The following WWOX variants were observed in gnomAD, a reference collection of about 807,000 sequenced individuals.
WWOX encodes WW domain containing oxidoreductase, also known as WW domain-containing oxidoreductase.
Under a neutral mutation model 46.2 loss-of-function variants are expected in WWOX, and 69 were observed. That is an observed-to-expected ratio of 1.49 (90% CI 1.23 to 1.82). The LOEUF (loss-of-function observed/expected upper bound fraction) is 1.82. Among genes scored for constraint, WWOX ranks in the 40% most tolerant of loss-of-function variants. The pLI is 0.00. For synonymous variants in WWOX, 359 were observed against 202.6 expected (o/e 1.77, Z -6.56); for missense variants, 919 against 542.6 (o/e 1.69, Z -6.89).
chr16:78,935,911 C>CAAAAT (rs1001733673), intron 8 of WWOX, among the ~76,000 whole-genome samples: 8 of 150,980 alleles, frequency 5.3e-5, no homozygotes, highest in East Asian at 3.9e-4. Context: ...GACCCTGTCT[C>CAAAAT]AAAATAAAAT....
chr16:78,779,246 G>C (rs573166461), intron 8 of WWOX, among the ~76,000 whole-genome samples: 20 of 152,282 alleles, frequency 1.3e-4, no homozygotes, highest in Non-Finnish European at 2.6e-4. Flanking sequence ...CCTGGCTCAA[G>C]GGATCCTCCC....
chr16:79,022,887 G>A (rs1325400522), intron 8 of WWOX, among the ~76,000 whole-genome samples: 3 of 152,140 alleles, frequency 2.0e-5, no homozygotes, highest in Admixed American at 6.6e-5. Context: ...CTTTCTGCAG[G>A]TTACTTCTCT....
chr16:78,971,104 G>C (rs1328158132), intron 8 of WWOX, among the ~76,000 whole-genome samples: 1 of 151,864 alleles, frequency 6.6e-6, no homozygotes, highest in African/African-American at 2.4e-5. Context: ...TATATATCAG[G>C]TAAGATTCTA....
At chr16:78,934,981 C>T (rs971960250) in intron 8 of WWOX, among the ~76,000 whole-genome samples, 5 of 152,156 alleles carry the variant, frequency 3.3e-5, no homozygotes, top group Non-Finnish European at 5.9e-5. Flanking sequence ...GACATTTATG[C>T]AGCCAACAGA....
chr16:79,162,304 C>G (rs181795739), intron 8 of WWOX, among the ~76,000 whole-genome samples: 2 of 152,276 alleles, frequency 1.3e-5, no homozygotes, highest in East Asian at 1.9e-4. Flanking sequence ...GCGGAATTTA[C>G]TTCTTCAAAG....
intron 8 of WWOX, among the ~76,000 whole-genome samples, chr16:78,826,811 C>T (rs1333669603): frequency 2.0e-5 from 3 of 152,190 alleles, no homozygotes; most frequent in Admixed American, 2.0e-4. Context: ...GTCACAGTCA[C>T]AGCCACCCCT....
At chr16:78,922,738 T>A (rs564933110) in intron 8 of WWOX, among the ~76,000 whole-genome samples, 2 of 152,146 alleles carry the variant, frequency 1.3e-5, no homozygotes, top group African/African-American at 4.8e-5. Context: ...ACTTTCCCAT[T>A]TACAGAGAAG....
chr16:78,632,519 C>T (rs1448411191), intron 8 of WWOX, among the ~76,000 whole-genome samples: 2 of 147,358 alleles, frequency 1.4e-5, no homozygotes, highest in Non-Finnish European at 1.5e-5. Context: ...GTGTCCTCCT[C>T]ATACCACAGA....
chr16:78,182,787 C>G (rs907598873), intron 5 of WWOX, among the ~76,000 whole-genome samples: 3 of 151,792 alleles, frequency 2.0e-5, no homozygotes, highest in Admixed American at 6.6e-5. Context: ...CCCGTCTCTA[C>G]TAAAAATACA....
At chr16:78,507,474 T>G (rs181131166) in intron 8 of WWOX, among the ~76,000 whole-genome samples, 17 of 152,358 alleles carry the variant, frequency 1.1e-4, no homozygotes, top group African/African-American at 4.1e-4. Context: ...TTTAGAATAC[T>G]TCCACTCCGG....
intron 8 of WWOX, among the ~76,000 whole-genome samples, chr16:79,181,515 A>G (rs2050911052): frequency 6.6e-6 from 1 of 152,048 alleles, no homozygotes; most frequent in Non-Finnish European, 1.5e-5. Context: ...ACTTAACACT[A>G]TGCAGAACGA....
At chr16:78,575,044 T>TAAATATATATATATATATATATATATAA (rs2044831780) in intron 8 of WWOX, among the ~76,000 whole-genome samples, 1 of 6,768 alleles carries the variant, frequency 1.5e-4, no homozygotes, top group Non-Finnish European at 2.8e-4. Flanking sequence ...TATATATATA[T>TAAATATATATATATATATATATATATAA]ATATATATAT....
intron 8 of WWOX, among the ~76,000 whole-genome samples, chr16:78,467,069 C>T (rs1454856947): frequency 6.6e-6 from 1 of 152,014 alleles, no homozygotes; most frequent in Non-Finnish European, 1.5e-5. Context: ...TATGTGTTTG[C>T]CTGTGTTATT....
chr16:78,334,084 A>G (rs2080823379), intron 5 of WWOX, among the ~76,000 whole-genome samples: 1 of 152,226 alleles, frequency 6.6e-6, no homozygotes, highest in African/African-American at 2.4e-5. Flanking sequence ...TCGCATAAAG[A>G]TGCAGATTTG....
At chr16:78,963,257 C>T (rs912501219) in intron 8 of WWOX, among the ~76,000 whole-genome samples, 1 of 152,048 alleles carries the variant, frequency 6.6e-6, no homozygotes, top group African/African-American at 2.4e-5. Context: ...TTCCTTGAGT[C>T]CGGGAGTTGA....
At chr16:78,927,540 T>C (rs1165114961) in intron 8 of WWOX, among the ~76,000 whole-genome samples, 4 of 152,208 alleles carry the variant, frequency 2.6e-5, no homozygotes, top group Non-Finnish European at 5.9e-5. Context: ...ATTTGATAAA[T>C]GGATGTTAGT....
intron 8 of WWOX, among the ~76,000 whole-genome samples, chr16:78,742,134 C>G (rs57015613): frequency 0.011 from 1,660 of 152,266 alleles, 20 homozygotes; most frequent in African/African-American, 0.037. Flanking sequence ...ATTTAAATGT[C>G]TTTTCCTTGC....
At chr16:78,995,468 T>C (rs2046971702) in intron 8 of WWOX, among the ~76,000 whole-genome samples, 1 of 152,096 alleles carries the variant, frequency 6.6e-6, no homozygotes, top group African/African-American at 2.4e-5. Context: ...ACAGTGCCGA[T>C]TGGTAAAACC....
In WWOX at chr16:78,132,015, CTTTTTCTTTTTCTTTTTTT is replaced by C. The variant is rs2033615541; in HGVS notation, c.409+16867_409+16885del. Reference sequence around the variant, plus strand: ...TACTAGTCTCTGATTTTTCTTTTTTCTTTTTCTTTTTCTTTTTTTTTTTTTTTGAGACAGAGTCTCACTC... The same window carrying C: ...TACTAGTCTCTGATTTTTCTTTTTTCTTTTTTTTGAGACAGAGTCTCACTC... On this transcript the variant is annotated intron_variant, in intron 4 of 8. Coordinates refer to ENST00000566780, the MANE Select transcript of WWOX (RefSeq NM_016373.4). 3.4e-5 allele frequency among the ~76,000 whole-genome samples: 5 copies of C among 146,462 alleles called. No individual in the cohort carries two copies. In the South Asian group the frequency reaches 1.1e-3, roughly 32 times the overall value.
Sources: gnomAD v4.1 joint callset for allele counts (sites outside exome capture counted in the v4.1 genomes callset) on GRCh38, gnomAD v4.1.1 for gene constraint, MANE v1.5 for transcripts, NCBI Gene and HGNC (gene_info 2026-07-23, HGNC 2026-07-21) for gene names.